The following MRPL13 variants were observed in gnomAD, a reference collection of about 807,000 sequenced individuals.
MRPL13 encodes large ribosomal subunit protein uL13m.
MRPL13 carries 33 observed loss-of-function variants against 29.0 expected under a neutral mutation model. That is an observed-to-expected ratio of 1.14 (90% CI 0.86 to 1.52). The LOEUF is 1.52. Among genes scored for constraint, MRPL13 ranks in the 40% most tolerant of loss-of-function variants. The pLI is 0.00. For synonymous variants in MRPL13, 77 were observed against 68.4 expected (o/e 1.13, Z -0.62); for missense variants, 227 against 216.7 (o/e 1.05, Z -0.30).
chr8:120,396,988 C>A (rs1008863003), intron 6 of MRPL13, among the ~76,000 whole-genome samples: 1 of 152,148 alleles, frequency 6.6e-6, no homozygotes, highest in African/African-American at 2.4e-5. Context: ...ACTGACTAGG[C>A]GGACAACTCG....
At chr8:120,426,870 C>G (rs1282627393) in intron 3 of MRPL13, among the ~76,000 whole-genome samples, 1 of 152,036 alleles carries the variant, frequency 6.6e-6, no homozygotes, top group Non-Finnish European at 1.5e-5. Flanking sequence ...TAAAATTAAA[C>G]AATTCTGTTG....
chr8:120,406,397 A>G (rs1812668120), intron 6 of MRPL13, among the ~76,000 whole-genome samples: 1 of 152,154 alleles, frequency 6.6e-6, no homozygotes, highest in African/African-American at 2.4e-5. Context: ...CTGAACATCA[A>G]TTTCCCTTTC....
chr8:120,432,636 T>A (rs2130480237), intron 2 of MRPL13, among the ~76,000 whole-genome samples: 1 of 152,232 alleles, frequency 6.6e-6, no homozygotes, highest in East Asian at 1.9e-4. Flanking sequence ...ACTGCTTTGA[T>A]CTTATTAACT....
At chr8:120,410,788 C>CT (rs1312421443) in intron 6 of MRPL13, among the ~76,000 whole-genome samples, 38 of 148,596 alleles carry the variant, frequency 2.6e-4, no homozygotes, top group African/African-American at 4.9e-4. Context: ...CTTTCTCTCT[C>CT]TTTTTTTTTT....
chr8:120,409,289 C>T (rs1411940692), intron 6 of MRPL13, among the ~76,000 whole-genome samples: 3 of 152,266 alleles, frequency 2.0e-5, no homozygotes, highest in Non-Finnish European at 2.9e-5. Flanking sequence ...TTTTCACATA[C>T]GTAGTTTTCC....
intron 5 of MRPL13, 127 bp from the exon 6 acceptor site, chr8:120,414,239 C>T: frequency 1.3e-6 from 1 of 774,440 alleles, no homozygotes; most frequent in Non-Finnish European, 1.8e-6. Flanking sequence ...AACATAAAAT[C>T]TTTAAAATAA....
chr8:120,408,254 T>C (rs1452896737), intron 6 of MRPL13, among the ~76,000 whole-genome samples: 3 of 152,172 alleles, frequency 2.0e-5, no homozygotes, highest in African/African-American at 2.4e-5. Context: ...TTGTTGAAAA[T>C]TTTTGCCAAA....
intron 2 of MRPL13, among the ~76,000 whole-genome samples, chr8:120,437,978 T>G (rs1435709693): frequency 6.6e-6 from 1 of 152,186 alleles, no homozygotes; most frequent in African/African-American, 2.4e-5. Flanking sequence ...ACACAACATA[T>G]TTATAAATTG....
intron 1 of MRPL13, 46 bp from the exon 2 acceptor site, chr8:120,443,354 A>G: frequency 7.0e-7 from 1 of 1,427,918 alleles, no homozygotes. Flanking sequence ...AATAAAGATA[A>G]TTATCATTAA....
chr8:120,424,943 A>G (rs928508154), intron 4 of MRPL13, among the ~76,000 whole-genome samples: 2 of 152,144 alleles, frequency 1.3e-5, no homozygotes, highest in Admixed American at 6.6e-5. Context: ...AAGTTAGAAT[A>G]TAAGAAGAAC....
chr8:120,428,107 CA>C (rs1812952384), intron 3 of MRPL13, among the ~76,000 whole-genome samples: 1 of 137,246 alleles, frequency 7.3e-6, no homozygotes, highest in African/African-American at 2.7e-5. Flanking sequence ...CTACAGTAAC[CA>C]AAACAGCATG....
chr8:120,401,151 T>C (rs1812591867), intron 6 of MRPL13, among the ~76,000 whole-genome samples: 1 of 152,190 alleles, frequency 6.6e-6, no homozygotes, highest in South Asian at 2.1e-4. Flanking sequence ...ACTTATTTTA[T>C]GAGGCCAGCA....
intron 6 of MRPL13, among the ~76,000 whole-genome samples, chr8:120,408,442 T>A (rs1362234617): frequency 2.0e-5 from 3 of 152,202 alleles, no homozygotes; most frequent in Admixed American, 6.5e-5. Context: ...CAGTACAGCT[T>A]AGAATGCCTA....
intron 2 of MRPL13, among the ~76,000 whole-genome samples, chr8:120,441,781 C>T (rs550346982): frequency 6.6e-6 from 1 of 152,208 alleles, no homozygotes; most frequent in South Asian, 2.1e-4. Flanking sequence ...TCTTTTCTTA[C>T]GTGTGTCAAT....
chr8:120,430,585 C>T (rs965846012), intron 3 of MRPL13, among the ~76,000 whole-genome samples: 1 of 152,172 alleles, frequency 6.6e-6, no homozygotes, highest in Non-Finnish European at 1.5e-5. Context: ...GAAACTGTGA[C>T]ATCTGAGTCA....
At chr8:120,438,073 C>A (rs1434120732) in intron 2 of MRPL13, among the ~76,000 whole-genome samples, 1 of 152,140 alleles carries the variant, frequency 6.6e-6, no homozygotes, top group South Asian at 2.1e-4. Context: ...ATTAAATACA[C>A]TGAAACATGC....
intron 5 of MRPL13, among the ~76,000 whole-genome samples, chr8:120,418,038 G>A (rs1256129136): frequency 1.3e-5 from 2 of 152,054 alleles, no homozygotes; most frequent in African/African-American, 2.4e-5. Context: ...CCATAGTCTA[G>A]TAGTTGCAAC....
intron 6 of MRPL13, among the ~76,000 whole-genome samples, chr8:120,408,625 T>C (rs1812706497): frequency 5.3e-5 from 8 of 152,200 alleles, no homozygotes; most frequent in Admixed American, 5.2e-4. Context: ...AAATGCCACA[T>C]GACTAGACTA....
intron 5 of MRPL13, 24 bp downstream of exon 5, chr8:120,419,828 T>C: frequency 1.9e-6 from 3 of 1,548,316 alleles, no homozygotes; most frequent in Non-Finnish European, 1.7e-6. Context: ...GGAAAAGCAT[T>C]GTTACCAATG....
Sources: gnomAD v4.1 joint callset for allele counts (sites outside exome capture counted in the v4.1 genomes callset) on GRCh38, gnomAD v4.1.1 for gene constraint, MANE v1.5 for transcripts, NCBI Gene and HGNC (gene_info 2026-07-23, HGNC 2026-07-21) for gene names.